The following ANKRD29 variants were observed in gnomAD, a reference collection of about 807,000 sequenced individuals.
ANKRD29 encodes ankyrin repeat domain-containing protein 29.
A neutral mutation model predicts 38.0 loss-of-function variants in ANKRD29; 32 were observed. That is an observed-to-expected ratio of 0.84 (90% CI 0.64 to 1.13). ANKRD29 has a LOEUF of 1.13. Among genes scored for constraint, ANKRD29 ranks in the 50% most tolerant of loss-of-function variants. The pLI is 0.00. For synonymous variants in ANKRD29, 135 were observed against 152.4 expected, an observed-to-expected ratio of 0.89 and a Z score of 0.84; for missense variants, 357 against 377.9, an observed-to-expected ratio of 0.94 and a Z score of 0.46.
chr18:23,657,592 C>T (rs2060300973), intron 1 of ANKRD29, among the ~76,000 whole-genome samples: 1 of 152,204 alleles, frequency 6.6e-6, no homozygotes, highest in Non-Finnish European at 1.5e-5. Context: ...GCCATCCCCT[C>T]CTCTTCCCCA....
intron 9 of ANKRD29, among the ~76,000 whole-genome samples, chr18:23,606,128 G>C (rs2059572203): frequency 6.6e-6 from 1 of 152,056 alleles, no homozygotes; most frequent in African/African-American, 2.4e-5. Flanking sequence ...GCTTTTATAG[G>C]GGACAGGTTT....
intron 9 of ANKRD29, among the ~76,000 whole-genome samples, chr18:23,611,871 GAA>G: frequency 7.1e-6 from 1 of 141,270 alleles, no homozygotes; most frequent in African/African-American, 2.6e-5. Context: ...TGTTAAAAAA[GAA>G]AAAAAAAAAC....
intron 2 of ANKRD29, chr18:23,648,723 A>G (rs1443454651): frequency 5.0e-5 from 20 of 400,916 alleles, no homozygotes; most frequent in African/African-American, 4.1e-5. Flanking sequence ...GCCCACATCC[A>G]TGGCAGCCCA....
rs749423528 is a variant in ANKRD29, at chr18:23,649,100, C to T, written c.115G>A (p.Val39Met). 61 of 1,614,006 alleles carry T rather than the reference C, an allele frequency of 3.8e-5. No homozygotes were observed. The highest frequency in any genetic ancestry group is 4.9e-5 in the Non-Finnish European group (58 of 1,179,972). Residue 39 changes from valine (V) to methionine (M), a missense_variant, in exon 2 of 10, where the codon GTG becomes ATG. By Grantham distance (21) the Val-to-Met change is conservative. Coordinates refer to ENST00000592179, the MANE Select transcript of ANKRD29 (RefSeq NM_173505.4). ...KLLLNSGRVD[V>M]DCRDSHGTTL... is the part of the protein sequence containing the mutation. ...CACCGTACGCTGTCTCTGCAGTCCA[C>T]GTCCACCCGGCCGCTGTTCAACAGC... is the stretch of plus-strand genomic sequence containing the variant.
At chr18:23,601,349 C>T in intron 9 of ANKRD29, 40 bp from the exon 10 acceptor site, 2 of 1,582,110 alleles carry the variant, frequency 1.3e-6, no homozygotes, top group Non-Finnish European at 1.7e-6. Context: ...ATCCCCATAG[C>T]TGGTGTGGTT....
intron 9 of ANKRD29, among the ~76,000 whole-genome samples, chr18:23,609,788 A>C (rs1490325444): frequency 6.6e-6 from 1 of 152,226 alleles, no homozygotes; most frequent in Non-Finnish European, 1.5e-5. Context: ...AAGTCTGTGC[A>C]CAAGGTCTAA....
At chr18:23,662,346 G>A (rs1440605149) in intron 1 of ANKRD29, among the ~76,000 whole-genome samples, 1 of 152,110 alleles carries the variant, frequency 6.6e-6, no homozygotes, top group Non-Finnish European at 1.5e-5. Context: ...GGACCCAGAG[G>A]GTCAGGGTCG....
chr18:23,624,264 T>G (rs1037332777), intron 6 of ANKRD29, among the ~76,000 whole-genome samples: 5 of 151,600 alleles, frequency 3.3e-5, no homozygotes, highest in African/African-American at 7.2e-5. Flanking sequence ...GCCTGGAGTT[T>G]GAGACTAGCC....
chr18:23,649,773 A>G (rs748810764), intron 1 of ANKRD29, among the ~76,000 whole-genome samples: 17 of 152,162 alleles, frequency 1.1e-4, no homozygotes, highest in Non-Finnish European at 2.1e-4. Context: ...CTCTGTCGCC[A>G]GGCTGGAGTG....
At chr18:23,615,925 A>T (rs1336270078) in intron 8 of ANKRD29, among the ~76,000 whole-genome samples, 2 of 141,168 alleles carry the variant, frequency 1.4e-5, no homozygotes, top group East Asian at 3.9e-4. Context: ...TATAGTATGT[A>T]TATATTATAT....
rs555254518 is a variant in ANKRD29 at position 23,609,841 on chromosome 18, A to G, written c.822+2251T>C. ...AGGCAATTGTGATTTCAACTGGCTT[A>G]TCACACAGCCAGGCCAGCTAATGGA... is the stretch of plus-strand genomic sequence containing the variant. On this transcript the variant is annotated intron_variant, in intron 9 of 9. Transcript: ENST00000592179. 7.2e-5 allele frequency among the ~76,000 whole-genome samples: 11 copies of G among 152,348 alleles called. No individual in the cohort carries two copies. The East Asian group carries it at 1.3e-3, about 19-fold the overall frequency.
intron 6 of ANKRD29, among the ~76,000 whole-genome samples, chr18:23,628,273 C>T (rs1002110643): frequency 6.6e-6 from 1 of 152,184 alleles, no homozygotes; most frequent in Admixed American, 6.5e-5. Flanking sequence ...CTTTGCTTTC[C>T]TGACTTCAAA....
At chr18:23,614,339 G>A (rs902036231) in intron 8 of ANKRD29, among the ~76,000 whole-genome samples, 13 of 152,122 alleles carry the variant, frequency 8.5e-5, no homozygotes, top group South Asian at 2.1e-4. Context: ...TAGGATTACA[G>A]GTGTGAGCCA....
intron 4 of ANKRD29, 126 bp from the exon 5 acceptor site, chr18:23,634,275 CCTGTTTTTTTTTTT>C: frequency 1.9e-6 from 1 of 538,152 alleles, no homozygotes. Flanking sequence ...ACTCACTTTC[CCTGTTTTTTTTTTT>C]TTTTTTTTTT....
chr18:23,658,083 T>C (rs557035363), intron 1 of ANKRD29, among the ~76,000 whole-genome samples: 10 of 152,254 alleles, frequency 6.6e-5, no homozygotes, highest in Non-Finnish European at 1.3e-4. Context: ...ATCCTATGCC[T>C]GTCCCACTGT....
chr18:23,662,419 C>T (rs929007758), intron 1 of ANKRD29, among the ~76,000 whole-genome samples: 20 of 152,322 alleles, frequency 1.3e-4, no homozygotes, highest in Middle Eastern at 6.8e-3. Context: ...CGACCTGTTA[C>T]CCGGCGACAG....
At chr18:23,616,690 A>G (rs1268997482) in intron 8 of ANKRD29, among the ~76,000 whole-genome samples, 2 of 145,356 alleles carry the variant, frequency 1.4e-5, no homozygotes, top group Non-Finnish European at 3.0e-5. Context: ...TCTTTACTGT[A>G]GTAAATATAT....
intron 4 of ANKRD29, among the ~76,000 whole-genome samples, chr18:23,636,821 G>C (rs2145701833): frequency 6.6e-6 from 1 of 152,236 alleles, no homozygotes; most frequent in South Asian, 2.1e-4. Flanking sequence ...CGATCTGCCT[G>C]CCTCAGCCTC....
chr18:23,613,849 T>C (rs1167154821), intron 8 of ANKRD29, among the ~76,000 whole-genome samples: 1 of 151,954 alleles, frequency 6.6e-6, no homozygotes, highest in African/African-American at 2.4e-5. Context: ...CCTCCTGCCT[T>C]GGCCTTCCAA....
Sources: allele counts gnomAD v4.1 joint callset (sites outside exome capture counted in the v4.1 genomes callset), GRCh38; gene constraint gnomAD v4.1.1; transcripts MANE v1.5; gene names NCBI Gene and HGNC (gene_info 2026-07-23, HGNC 2026-07-21).